SNAPC3: variants seen among roughly 807,000 people sequenced by gnomAD.
The protein encoded by SNAPC3 is snRNA-activating protein complex subunit 3.
SNAPC3 carries 56 observed loss-of-function variants against 47.7 expected under a neutral mutation model. The ratio of observed to expected loss-of-function variants is 1.18; its 90% CI spans 0.95 to 1.47. The LOEUF is 1.47. SNAPC3 is among the 40% of genes most tolerant of loss of function. The probability of loss-of-function intolerance (pLI) is 0.00; values close to 1 mark genes in which losing one functional copy is unlikely to be tolerated. For synonymous variants in SNAPC3, 235 were observed against 189.9 expected (o/e 1.24, Z -1.95); for missense variants, 665 against 511.3 (o/e 1.30, Z -2.90).
intron 5 of SNAPC3, among the ~76,000 whole-genome samples, chr9:15,449,887 T>G (rs2131912858): frequency 6.6e-6 from 1 of 152,182 alleles, no homozygotes; most frequent in African/African-American, 2.4e-5. Context: ...ACTTTTGATT[T>G]AAATGGAAAA....
chr9:15,446,736 A>G (rs572812806), intron 4 of SNAPC3, among the ~76,000 whole-genome samples: 1 of 152,128 alleles, frequency 6.6e-6, no homozygotes, highest in Non-Finnish European at 1.5e-5. Flanking sequence ...AAGAGTAAAC[A>G]GTTTAGGATT....
chr9:15,459,763 T>G lies in SNAPC3; in HGVS notation c.1133T>G (p.Phe378Cys), dbSNP rs199504923. Residue 378 changes from phenylalanine (F) to cysteine (C), a missense_variant, in exon 9 of 9, where the codon TTC (phenylalanine) becomes TGC (cysteine). Coordinates refer to ENST00000380821, the MANE Select transcript of SNAPC3 (RefSeq NM_001039697.2). ...AGTTTTGCACCAGAGGACCCATGCT[T>G]CTTTTGTGATGTTTGCTTCCGAATG... ...NDSFAPEDPCFFCDVCFRMLH... is the reference protein window; with the variant it reads ...NDSFAPEDPCCFCDVCFRMLH... 1.1e-4 allele frequency: 178 copies of G among 1,613,644 alleles called. No homozygotes were observed. Among genetic ancestry groups the G allele is most frequent in the Middle Eastern group, 1.6e-4 (1 of 6,082 alleles).
At chr9:15,424,945 A>G (rs1367456826) in intron 2 of SNAPC3, among the ~76,000 whole-genome samples, 1 of 152,148 alleles carries the variant, frequency 6.6e-6, no homozygotes, top group African/African-American at 2.4e-5. Context: ...GCACTGTGCA[A>G]GGTTCTTAAG....
chr9:15,455,968 A>G (rs1053855659), intron 7 of SNAPC3, among the ~76,000 whole-genome samples: 6 of 151,776 alleles, frequency 4.0e-5, no homozygotes, highest in African/African-American at 1.5e-4. Flanking sequence ...TCTGCCTCCC[A>G]GGTTCAGGCA....
downstream of SNAPC3, chr9:15,463,178 C>A (rs909380559): frequency 6.8e-6 from 1 of 147,896 alleles, no homozygotes; most frequent in African/African-American, 2.5e-5. Flanking sequence ...GCTAAGAAAA[C>A]CTTCAATGGT....
intron 3 of SNAPC3, among the ~76,000 whole-genome samples, chr9:15,442,333 A>G (rs1450718096): frequency 1.3e-5 from 2 of 148,750 alleles, no homozygotes; most frequent in Admixed American, 1.3e-4. Context: ...GGCTGGCTGG[A>G]CGGGGCGGCT....
At chr9:15,435,055 T>TC (rs1381278257) in intron 3 of SNAPC3, among the ~76,000 whole-genome samples, 1 of 152,216 alleles carries the variant, frequency 6.6e-6, no homozygotes, top group Non-Finnish European at 1.5e-5. Flanking sequence ...TTCCAATTTC[T>TC]CCATGTACTT....
chr9:15,425,221 G>A (rs1399889143), intron 2 of SNAPC3, among the ~76,000 whole-genome samples: 1 of 152,106 alleles, frequency 6.6e-6, no homozygotes, highest in Non-Finnish European at 1.5e-5. Context: ...GTTATGTTAT[G>A]TTACGTTATT....
At chr9:15,442,448 C>A (rs2033530714) in intron 3 of SNAPC3, among the ~76,000 whole-genome samples, 1 of 151,116 alleles carries the variant, frequency 6.6e-6, no homozygotes, top group African/African-American at 2.4e-5. Context: ...CTCCTCACTT[C>A]TCAGACGGGG....
At chr9:15,427,817 T>C (rs543350365) in intron 2 of SNAPC3, among the ~76,000 whole-genome samples, 6 of 152,206 alleles carry the variant, frequency 3.9e-5, no homozygotes, top group Admixed American at 3.9e-4. Flanking sequence ...ACCATGAAAT[T>C]GGAGAACTCA....
chr9:15,458,272 CA>C (rs1225790249), intron 8 of SNAPC3, among the ~76,000 whole-genome samples: 4 of 151,908 alleles, frequency 2.6e-5, no homozygotes, highest in African/African-American at 9.7e-5. Flanking sequence ...TACACAAGTC[CA>C]GGGATAGGTC....
chr9:15,425,536 G>C (rs555853953), intron 2 of SNAPC3, among the ~76,000 whole-genome samples: 1 of 152,186 alleles, frequency 6.6e-6, no homozygotes, highest in South Asian at 2.1e-4. Context: ...TTTTTTAAAA[G>C]CCCAAAGATT....
chr9:15,465,293 CTAA>C (rs1382415376), downstream of SNAPC3: 1 of 446,810 alleles, frequency 2.2e-6, no homozygotes, highest in African/African-American at 2.1e-5. Flanking sequence ...TTAACATTTT[CTAA>C]ATGGATTTTA....
chr9:15,439,801 T>C (rs1349493498), intron 3 of SNAPC3, among the ~76,000 whole-genome samples: 1 of 152,148 alleles, frequency 6.6e-6, no homozygotes, highest in Non-Finnish European at 1.5e-5. Context: ...CCCAAAGTGC[T>C]GAGATTACAG....
downstream of SNAPC3, chr9:15,464,203 G>A (rs1432938861): frequency 5.3e-6 from 1 of 190,132 alleles, no homozygotes; most frequent in Non-Finnish European, 1.1e-5. Flanking sequence ...TCTCAAAACG[G>A]TGATTCCTAG....
intron 5 of SNAPC3, among the ~76,000 whole-genome samples, chr9:15,449,049 A>T (rs536449937): frequency 6.6e-6 from 1 of 152,074 alleles, no homozygotes; most frequent in Non-Finnish European, 1.5e-5. Flanking sequence ...ACTTCAGGTG[A>T]TCCACCCGCC....
rs575544687 is a variant in SNAPC3 at position 15,424,463 on chromosome 9, A to T, written c.392+477A>T. On this transcript the variant is annotated intron_variant, in intron 2 of 8. Coordinates refer to ENST00000380821, the MANE Select transcript of SNAPC3 (RefSeq NM_001039697.2). ...TAAAGGACAGTTCTTGTTTTTAAAA[A>T]TTTTTAATCTTTGACAGATTTATGC... 3.3e-5 allele frequency among the ~76,000 whole-genome samples: 5 copies of T among 152,326 alleles called. No homozygotes were observed. The South Asian group carries it at 8.3e-4, about 25-fold the overall frequency.
chr9:15,431,667 G>C (rs969698678), intron 2 of SNAPC3, among the ~76,000 whole-genome samples: 1 of 152,118 alleles, frequency 6.6e-6, no homozygotes, highest in East Asian at 1.9e-4. Context: ...GGAACAAAGA[G>C]GGAGTGACAC....
At chr9:15,442,466 T>G (rs4468030) in intron 3 of SNAPC3, among the ~76,000 whole-genome samples, 1 of 149,832 alleles carries the variant, frequency 6.7e-6, no homozygotes, top group Non-Finnish European at 1.5e-5. Flanking sequence ...GGGCGGCTGC[T>G]GGGCGGAGGG....
Sources: allele counts gnomAD v4.1 joint callset (sites outside exome capture counted in the v4.1 genomes callset), GRCh38; gene constraint gnomAD v4.1.1; transcripts MANE v1.5; gene names NCBI Gene and HGNC (gene_info 2026-07-23, HGNC 2026-07-21).